EPHA3: variants seen among roughly 807,000 people sequenced by gnomAD.
The protein encoded by EPHA3 is ephrin type-A receptor 3.
Under a neutral mutation model 107.1 loss-of-function variants are expected in EPHA3, and 42 were observed. The ratio of observed to expected loss-of-function variants is 0.39; its 90% CI spans 0.31 to 0.51. EPHA3 has a LOEUF of 0.51. Ranked by LOEUF, EPHA3 falls within the 20% of genes least tolerant of loss-of-function variation. EPHA3 has a pLI of 0.78. For synonymous variants in EPHA3, 461 were observed against 424.8 expected (o/e 1.09, Z -1.05); for missense variants, 1,183 against 1,211.2 (o/e 0.98, Z 0.35).
chr3:89,182,301 G>A (rs903476200), intron 2 of EPHA3, among the ~76,000 whole-genome samples: 22 of 151,864 alleles, frequency 1.4e-4, no homozygotes, highest in East Asian at 5.8e-4. Flanking sequence ...AGATCAGTCC[G>A]GGAATGTATA....
At chr3:89,284,855 G>A (rs1706039857) in intron 3 of EPHA3, among the ~76,000 whole-genome samples, 1 of 152,098 alleles carries the variant, frequency 6.6e-6, no homozygotes, top group Non-Finnish European at 1.5e-5. Flanking sequence ...TAGCCGATGC[G>A]GTGGCTCACG....
chr3:89,204,774 G>T (rs1402043457), intron 2 of EPHA3, among the ~76,000 whole-genome samples: 1 of 152,112 alleles, frequency 6.6e-6, no homozygotes, highest in African/African-American at 2.4e-5. Flanking sequence ...TGCTTAAAAT[G>T]CTGCTGCCTG....
At chr3:89,170,968 G>C (rs1705198282) in intron 2 of EPHA3, among the ~76,000 whole-genome samples, 1 of 146,444 alleles carries the variant, frequency 6.8e-6, no homozygotes, top group African/African-American at 2.5e-5. Context: ...AATTGAATCT[G>C]ATACTTTTGC....
chr3:89,348,579 T>C (rs1707730618), intron 5 of EPHA3, among the ~76,000 whole-genome samples: 1 of 142,016 alleles, frequency 7.0e-6, no homozygotes, highest in South Asian at 2.2e-4. Flanking sequence ...CCTGGATTCA[T>C]TGATTTTTTG....
intron 5 of EPHA3, among the ~76,000 whole-genome samples, chr3:89,376,735 C>T (rs965204757): frequency 1.3e-5 from 2 of 151,946 alleles, no homozygotes; most frequent in Admixed American, 1.3e-4. Flanking sequence ...CTTGAGATGC[C>T]AGTTTTCACA....
intron 2 of EPHA3, among the ~76,000 whole-genome samples, chr3:89,129,667 G>A (rs1462593749): frequency 1.3e-5 from 2 of 149,148 alleles, no homozygotes; most frequent in African/African-American, 2.5e-5. Context: ...GTAAGTTTAG[G>A]TTTTGGATTT....
At chr3:89,441,251 G>A (rs1326882080) in intron 13 of EPHA3, among the ~76,000 whole-genome samples, 1 of 152,188 alleles carries the variant, frequency 6.6e-6, no homozygotes, top group Non-Finnish European at 1.5e-5. Flanking sequence ...TCAGCACTTG[G>A]AGGAACTGGC....
chr3:89,317,022 C>G (rs575792199), intron 3 of EPHA3, among the ~76,000 whole-genome samples: 3 of 151,724 alleles, frequency 2.0e-5, no homozygotes, highest in East Asian at 3.9e-4. Flanking sequence ...TCCAACTTAC[C>G]GTACCATATC....
At position 89,480,905 on chromosome 3, in the gene EPHA3, A is replaced by C; in HGVS notation, c.*1403A>C. The C allele has an allele frequency of 4.3e-6, 1 of 232,330 alleles. No homozygotes were observed. The highest frequency in any genetic ancestry group is 8.5e-6 in the Non-Finnish European group (1 of 117,256). The allele number at this position is 232,330 out of a possible 1,614,324, so 14.4% of individuals were successfully genotyped here. On this transcript the variant is annotated 3_prime_UTR_variant, in exon 17 of 17. Coordinates refer to ENST00000336596, the MANE Select transcript of EPHA3 (RefSeq NM_005233.6). The stretch of plus-strand genomic sequence containing the variant: ...TTTTCAGAATAGTTGGTCATCTAGC[A>C]ACCGCCTCAAAATGTGTAAGCAGGA...
At chr3:89,184,991 T>C (rs1159729902) in intron 2 of EPHA3, among the ~76,000 whole-genome samples, 1 of 152,028 alleles carries the variant, frequency 6.6e-6, no homozygotes, top group African/African-American at 2.4e-5. Context: ...GCCAACTTCT[T>C]ATTGGGTGCT....
intron 7 of EPHA3, among the ~76,000 whole-genome samples, chr3:89,405,628 A>G (rs1000599495): frequency 3.3e-5 from 5 of 152,164 alleles, no homozygotes; most frequent in African/African-American, 1.2e-4. Flanking sequence ...AAAACCACAT[A>G]TTTTAGAGAA....
intron 2 of EPHA3, among the ~76,000 whole-genome samples, chr3:89,147,918 G>T (rs1466704975): frequency 6.6e-6 from 1 of 151,896 alleles, no homozygotes; most frequent in Non-Finnish European, 1.5e-5. Flanking sequence ...AACCAGAATG[G>T]AAAAGTCTGT....
chr3:89,228,507 T>A (rs2107220162), intron 3 of EPHA3, among the ~76,000 whole-genome samples: 1 of 152,056 alleles, frequency 6.6e-6, no homozygotes, highest in East Asian at 1.9e-4. Flanking sequence ...TTGATTTACA[T>A]AAAAATTTTG....
chr3:89,467,397 C>A (rs748124823), intron 15 of EPHA3, among the ~76,000 whole-genome samples: 12 of 152,076 alleles, frequency 7.9e-5, no homozygotes, highest in African/African-American at 2.7e-4. Context: ...AATGTTATTA[C>A]CTCCTTGTAG....
At chr3:89,187,355 A>G (rs1404324357) in intron 2 of EPHA3, among the ~76,000 whole-genome samples, 1 of 148,638 alleles carries the variant, frequency 6.7e-6, no homozygotes, top group African/African-American at 2.4e-5. Flanking sequence ...AATAATATAC[A>G]TTATAAATAA....
chr3:89,127,392 T>C (rs1704117261), intron 2 of EPHA3, 119 bp downstream of exon 2: 4 of 714,344 alleles, frequency 5.6e-6, no homozygotes, highest in South Asian at 3.9e-5. Context: ...ATTATACTTA[T>C]AGGAGTATTC....
At chr3:89,125,444 T>C (rs1704073134) in intron 1 of EPHA3, among the ~76,000 whole-genome samples, 1 of 151,732 alleles carries the variant, frequency 6.6e-6, no homozygotes, top group Non-Finnish European at 1.5e-5. Flanking sequence ...TTATCTGAAA[T>C]ATAATCTATA....
chr3:89,120,755 G>A (rs185134748), intron 1 of EPHA3, among the ~76,000 whole-genome samples: 89 of 152,216 alleles, frequency 5.8e-4, no homozygotes, highest in Non-Finnish European at 1.1e-3. Context: ...AGATTGAGAT[G>A]AGACAGCTAA....
intron 1 of EPHA3, among the ~76,000 whole-genome samples, chr3:89,109,592 GA>G (rs994243790): frequency 2.0e-5 from 3 of 149,912 alleles, no homozygotes; most frequent in Non-Finnish European, 3.0e-5. Context: ...AACTGCAAGA[GA>G]AAAAAAAAGA....
Sources: allele counts gnomAD v4.1 joint callset (sites outside exome capture counted in the v4.1 genomes callset), GRCh38; gene constraint gnomAD v4.1.1; transcripts MANE v1.5; gene names NCBI Gene and HGNC (gene_info 2026-07-23, HGNC 2026-07-21).